ACSM2B: variants seen among roughly 807,000 people sequenced by gnomAD.
ACSM2B encodes acyl-CoA synthetase medium chain family member 2B.
In ACSM2B, 58 loss-of-function variants were observed where a neutral mutation model predicts 78.6. The observed-to-expected ratio is 0.74, with a 90% CI of 0.60 to 0.92. ACSM2B has a LOEUF of 0.92. Ranked by LOEUF, ACSM2B falls within the 40% of genes least tolerant of loss-of-function variation. ACSM2B has a pLI of 0.00. For missense variants in ACSM2B, 688 were observed against 711.2 expected (o/e 0.97, Z 0.37); for synonymous variants, 257 against 256.8 (o/e 1.00, Z -0.01).
At chr16:20,556,351 TG>T (rs1596721368) in intron 3 of ACSM2B, among the ~76,000 whole-genome samples, 1 of 152,208 alleles carries the variant, frequency 6.6e-6, no homozygotes. Context: ...CCTGTAATCC[TG>T]GCACTTTTGG....
rs1458147754 is a variant in ACSM2B at position 20,548,416 on chromosome 16, A to G, written c.952T>C (p.Leu318=). Residue 318 remains leucine (L), a synonymous_variant, in exon 7 of 14, where the codon TTG becomes CTG. Coordinates refer to ENST00000329697, the MANE Select transcript of ACSM2B (RefSeq NM_001105069.2). ...MMGAPIVYRM[L]LQQDLSSYKF... is the part of the protein sequence containing the mutation. ...CACCTGGAAAGATCCTGCTGTAGCA[A>G]CATCCGGTAAACAATAGGGGCACCC... is the stretch of plus-strand genomic sequence containing the variant. The G allele has an allele frequency of 1.9e-6, 3 of 1,613,722 alleles. No homozygotes were observed. In the South Asian group the frequency reaches 3.3e-5, roughly 18 times the overall value.
chr16:20,539,842 C>T (rs2014937395), intron 13 of ACSM2B, among the ~76,000 whole-genome samples: 1 of 152,068 alleles, frequency 6.6e-6, no homozygotes, highest in Admixed American at 6.6e-5. Context: ...AAAGAAAAAG[C>T]ATTCCAAGAA....
chr16:20,539,398 A>AT (rs1193679938), intron 13 of ACSM2B, among the ~76,000 whole-genome samples: 93 of 24,192 alleles, frequency 3.8e-3, no homozygotes, highest in African/African-American at 0.011. Flanking sequence ...CCCTAGACTC[A>AT]ATTTTTTTTC....
intron 2 of ACSM2B, among the ~76,000 whole-genome samples, chr16:20,563,937 G>T (rs1235369730): frequency 6.6e-6 from 1 of 151,098 alleles, no homozygotes; most frequent in Non-Finnish European, 1.5e-5. Context: ...AGACGCTCAG[G>T]GCTGGGAAGG....
At chr16:20,575,533 C>A (rs185102601) in intron 1 of ACSM2B, 59 of 151,990 alleles carry the variant, frequency 3.9e-4, no homozygotes, top group African/African-American at 1.4e-3. Context: ...AGGAAGCATC[C>A]AGTACGGAAG....
chr16:20,570,624 T>C (rs2016066120), intron 1 of ACSM2B, among the ~76,000 whole-genome samples: 1 of 151,890 alleles, frequency 6.6e-6, no homozygotes, highest in South Asian at 2.1e-4. Flanking sequence ...ATAGCGTCGA[T>C]AGGATTGGTA....
chr16:20,575,773 A>C (rs1209051603), intron 1 of ACSM2B: 1 of 149,356 alleles, frequency 6.7e-6, no homozygotes, highest in African/African-American at 2.4e-5. Flanking sequence ...ATTAACCATC[A>C]CAGTGTCTGA....
Position 20,555,133 on chromosome 16 carries a change from T to C in ACSM2B, c.596+136A>G, listed in dbSNP as rs368522470. ...AAAAAAAAAACCCTTGTATTAGCTTTTATTTCTTCCCAGCTTCACTCTTCC... is the reference window on the plus strand; with the variant it reads ...AAAAAAAAAACCCTTGTATTAGCTTCTATTTCTTCCCAGCTTCACTCTTCC... On this transcript the variant is annotated intron_variant, in intron 4 of 13. Transcript: ENST00000329697. The C allele has an allele frequency of 5.7e-5, 82 of 1,447,004 alleles. No individual in the cohort carries two copies. The African/African-American group carries it at 1.0e-3, about 18-fold the overall frequency. The allele number at this position is 1,447,004 out of a possible 1,614,324, so 89.6% of individuals were successfully genotyped here. A position where few individuals can be genotyped will look rare whatever the true frequency, so the allele number is the denominator to read the frequency against.
chr16:20,548,026 G>T (rs780505172), intron 8 of ACSM2B, 36 bp downstream of exon 8: 1 of 1,608,216 alleles, frequency 6.2e-7, no homozygotes, highest in African/African-American at 1.3e-5. Flanking sequence ...AGCCCAAAAA[G>T]TGCACACAGC....
intron 2 of ACSM2B, among the ~76,000 whole-genome samples, chr16:20,561,479 C>T (rs1434233991): frequency 4.6e-5 from 7 of 151,010 alleles, no homozygotes; most frequent in Admixed American, 1.3e-4. Flanking sequence ...CTCTCATGAA[C>T]TCACTCATAA....
In ACSM2B at chr16:20,566,610, CATATAGTATATATACTAT is replaced by C. The variant is rs1356573436; in HGVS notation, c.-8-1775_-8-1758del. Reference sequence around the variant, plus strand: ...TAAATATATAATATGTATATATCTACATATAGTATATATACTATATATAGTATATATATACTATACTAT... The same window carrying C: ...TAAATATATAATATGTATATATCTACATATAGTATATATATACTATACTAT... On this transcript the variant is annotated intron_variant, in intron 1 of 13. Coordinates refer to ENST00000329697, the MANE Select transcript of ACSM2B (RefSeq NM_001105069.2). 1.3e-3 allele frequency among the ~76,000 whole-genome samples: 81 copies of C among 63,054 alleles called. 4 individuals carry two copies. The highest frequency in any genetic ancestry group is 5.6e-3 in the African/African-American group (78 of 14,008). 41.4% of individuals were successfully genotyped at this position (63,054 alleles called of 152,430 possible). A position where few individuals can be genotyped will look rare whatever the true frequency, so the allele number is the denominator to read the frequency against.
At chr16:20,539,919 T>A (rs2014939119) in intron 13 of ACSM2B, among the ~76,000 whole-genome samples, 1 of 152,204 alleles carries the variant, frequency 6.6e-6, no homozygotes, top group East Asian at 1.9e-4. Context: ...ATCCTAGGAA[T>A]GCCTGGGACT....
At chr16:20,573,086 T>C (rs1241508532) in intron 1 of ACSM2B, among the ~76,000 whole-genome samples, 1 of 151,512 alleles carries the variant, frequency 6.6e-6, no homozygotes, top group Non-Finnish European at 1.5e-5. Context: ...TCTTCTTGGT[T>C]TGGATCCATT....
chr16:20,541,726 A>T lies in ACSM2B; in HGVS notation c.1510-953T>A, dbSNP rs576905782. The T allele has an allele frequency of 3.3e-5, 4 of 121,068 alleles. No homozygotes were observed. In the South Asian group the frequency reaches 8.0e-4, roughly 24 times the overall value. The allele number at this position is 121,068 out of a possible 1,614,324, so 7.5% of individuals were successfully genotyped here. The stretch of plus-strand genomic sequence containing the variant: ...GAGACAGAGTCTCACTCTGTCACCC[A>T]GGCTAGAGTGCAGAGGCGCGATCTC... On this transcript the variant is annotated intron_variant, in intron 12 of 13. Transcript: ENST00000329697.
intron 1 of ACSM2B, among the ~76,000 whole-genome samples, chr16:20,568,776 G>A (rs2016008719): frequency 1.3e-5 from 2 of 151,756 alleles, no homozygotes; most frequent in South Asian, 2.1e-4. Flanking sequence ...AGAGTAAGGT[G>A]GTATAGCATT....
intron 6 of ACSM2B, among the ~76,000 whole-genome samples, chr16:20,550,637 T>C (rs2015285850): frequency 6.6e-6 from 1 of 152,182 alleles, no homozygotes; most frequent in Non-Finnish European, 1.5e-5. Flanking sequence ...TTTTTGACTT[T>C]TGAAGACGTC....
chr16:20,572,230 G>T (rs1219930203), intron 1 of ACSM2B, among the ~76,000 whole-genome samples: 5 of 149,238 alleles, frequency 3.4e-5, no homozygotes, highest in Non-Finnish European at 7.4e-5. Flanking sequence ...TTTGTTTCAA[G>T]ATTTAAAGCT....
Position 20,564,657 on chromosome 16 carries a change from C to A in ACSM2B, c.177+12G>T, listed in dbSNP as rs1240217609. 1 of 1,613,566 alleles carries A rather than the reference C, an allele frequency of 6.2e-7. No homozygotes were observed. On this transcript the variant is annotated intron_variant, in intron 2 of 13. Transcript: ENST00000329697. Reference sequence around the variant, plus strand: ...AATTGTCTCACTCTGTGCCTCTTTTCCATCCCATTACCTTCTCCATGTCAG... The same window carrying A: ...AATTGTCTCACTCTGTGCCTCTTTTACATCCCATTACCTTCTCCATGTCAG...
intron 6 of ACSM2B, chr16:20,549,573 G>A: frequency 4.0e-6 from 1 of 250,820 alleles, no homozygotes; most frequent in Non-Finnish European, 8.0e-6. Flanking sequence ...TGTTACACTG[G>A]GGATTGAGTT....
Sources: gnomAD v4.1 joint callset for allele counts (sites outside exome capture counted in the v4.1 genomes callset) on GRCh38, gnomAD v4.1.1 for gene constraint, MANE v1.5 for transcripts, NCBI Gene and HGNC (gene_info 2026-07-23, HGNC 2026-07-21) for gene names.